Variants in HROB observed in about 807,000 individuals in gnomAD.
HROB encodes homologous recombination factor with OB-fold.
A neutral mutation model predicts 61.0 loss-of-function variants in HROB; 44 were observed. That is an observed-to-expected ratio of 0.72 (90% confidence interval 0.57 to 0.93). The LOEUF (loss-of-function observed/expected upper bound fraction) is 0.93. HROB is among the 40% of genes least tolerant of loss of function. HROB has a pLI of 0.00. For missense variants in HROB, 716 were observed against 796.2 expected, an observed-to-expected ratio of 0.90 and a Z score of 1.21; for synonymous variants, 301 against 310.4, an observed-to-expected ratio of 0.97 and a Z score of 0.32.
At position 44,155,176 on chromosome 17, in the gene HROB, A is replaced by C. The variant is rs542584041; in HGVS notation, c.1645-110A>C. On this transcript the variant is annotated intron_variant, in intron 7 of 9. Coordinates refer to ENST00000585683, the MANE Select transcript of HROB (RefSeq NM_001171251.3). The stretch of plus-strand genomic sequence containing the variant: ...TTGTGGCAAATGGTTCTCTTCTGGC[A>C]CCAAGGCTAGGCAGAGGACACCAAG... 8 of 1,507,644 alleles carry C rather than the reference A, an allele frequency of 5.3e-6. No homozygotes were observed. The East Asian group carries it at 1.6e-4, about 30-fold the overall frequency. The allele number at this position is 1,507,644 out of a possible 1,614,324, so 93.4% of individuals were successfully genotyped here.
rs1309911102 is a variant in HROB, at chr17:44,147,944, T to G, written c.141T>G (p.Ser47=). 6.2e-7 allele frequency: 1 copy of G among 1,614,180 alleles called. No individual in the cohort carries two copies. Among genetic ancestry groups the G allele is most frequent in the East Asian group, 2.2e-5 (1 of 44,872 alleles). ...CTGGGCGCCTGAGACCTGTCTCTTC[T>G]AGGCCACAGGAGACTGTGCAGGCAC... The part of the protein sequence containing the change: ...VNAGRLRPVS[S]RPQETVQAQS... The change falls in exon 3 of 10, where the codon TCT becomes TCG. Residue 47 remains serine, a synonymous_variant. Coordinates refer to ENST00000585683, the MANE Select transcript of HROB (RefSeq NM_001171251.3).
chr17:44,149,689 A>G (rs2053739761), intron 3 of HROB, among the ~76,000 whole-genome samples: 1 of 152,192 alleles, frequency 6.6e-6, no homozygotes, highest in Non-Finnish European at 1.5e-5. Flanking sequence ...ACAGGTGTGC[A>G]CTAGGGCAGG....
chr17:44,143,754 C>T (rs1485417697), intron 1 of HROB, among the ~76,000 whole-genome samples: 1 of 152,072 alleles, frequency 6.6e-6, no homozygotes, highest in Non-Finnish European at 1.5e-5. Flanking sequence ...GAGATTGAGG[C>T]TGCAGTGAGC....
intron 4 of HROB, among the ~76,000 whole-genome samples, chr17:44,152,007 T>C (rs1339274542): frequency 1.3e-5 from 2 of 152,004 alleles, no homozygotes; most frequent in East Asian, 3.9e-4. Flanking sequence ...CCACCATGCC[T>C]GGCTAATTTT....
In HROB at chr17:44,148,709, G is replaced by T; in HGVS notation, c.906G>T (p.Gln302His). Residue 302 changes from glutamine (Q) to histidine (H), a missense_variant, in exon 3 of 10, where the codon CAG (glutamine) becomes CAT (histidine). By Grantham distance (24) the Gln-to-His change is conservative. Coordinates refer to ENST00000585683, the MANE Select transcript of HROB (RefSeq NM_001171251.3). ...PQNRFPCQPF[Q>H]SPSSWLSGKA... ...ATCGTTTCCCTTGTCAGCCATTCCA[G>T]TCTCCAAGTTCCTGGTTAAGTGGCA... 1 of 1,614,106 alleles carries T rather than the reference G, an allele frequency of 6.2e-7. No homozygotes were observed. Among genetic ancestry groups the T allele is most frequent in the Non-Finnish European group, 8.5e-7 (1 of 1,180,016 alleles).
intron 2 of HROB, 23 bp from the exon 3 acceptor site, chr17:44,147,835 C>G: frequency 1.3e-6 from 2 of 1,595,836 alleles, no homozygotes; most frequent in Non-Finnish European, 1.7e-6. Context: ...ATGCCAAGAC[C>G]TACCATCTCT....
intron 3 of HROB, 54 bp from the exon 4 acceptor site, chr17:44,150,907 T>A: frequency 2.1e-6 from 3 of 1,452,118 alleles, no homozygotes; most frequent in Non-Finnish European, 2.9e-6. Flanking sequence ...AAGCTGTACT[T>A]GTAAATAACA....
At chr17:44,154,818 G>T in intron 6 of HROB, 35 bp from the exon 7 acceptor site, 1 of 1,612,274 alleles carries the variant, frequency 6.2e-7, no homozygotes, top group South Asian at 1.1e-5. Context: ...TGCTGCCCTT[G>T]ACCCCGAGAC....
chr17:44,155,073 T>C, intron 7 of HROB, 135 bp downstream of exon 7: 1 of 1,320,950 alleles, frequency 7.6e-7, no homozygotes, highest in Non-Finnish European at 1.1e-6. Flanking sequence ...TGGCTTGAGC[T>C]CAGGGAAGGC....
rs145594792 is a variant in HROB, at chr17:44,148,965, C to T, written c.1162C>T (p.His388Tyr). ...CAGCCGGACACCCCAGCAGCCCACC[C>T]ATCCCTCCACCCGAGCCAAAACTCG... ...AASRTPQQPT[H>Y]PSTRAKTRRF... The change falls in exon 3 of 10, where the codon CAT becomes TAT. Residue 388 changes from histidine (H) to tyrosine (Y), a missense_variant. His to Tyr is a moderately conservative substitution (Grantham distance 83). Transcript: ENST00000585683. 30 of 1,613,970 alleles carry T rather than the reference C, an allele frequency of 1.9e-5. No homozygotes were observed. The Admixed American group carries it at 2.2e-4, about 12-fold the overall frequency.
chr17:44,148,860 G>C lies in HROB; in HGVS notation c.1057G>C (p.Val353Leu), dbSNP rs777918652. Reference sequence around the variant, plus strand: ...TCCAGTGTCTTCCATTGGGTCTCCTGTTGGTACCCCAAAAGGTCCCCAGGG... The same window carrying C: ...TCCAGTGTCTTCCATTGGGTCTCCTCTTGGTACCCCAAAAGGTCCCCAGGG... ...QAPVSSIGSPVGTPKGPQGAL... is the reference protein window; with the variant it reads ...QAPVSSIGSPLGTPKGPQGAL... Residue 353 changes from valine (V) to leucine (L), a missense_variant, in exon 3 of 10, where the codon GTT (valine) becomes CTT (leucine). By Grantham distance (32) the Val-to-Leu change is conservative. Coordinates refer to ENST00000585683, the MANE Select transcript of HROB (RefSeq NM_001171251.3). 13 of 1,614,040 alleles carry C rather than the reference G, an allele frequency of 8.1e-6. No individual in the cohort carries two copies. Among genetic ancestry groups the C allele is most frequent in the African/African-American group, 2.7e-5 (2 of 74,920 alleles).
intron 4 of HROB, among the ~76,000 whole-genome samples, chr17:44,151,698 A>G (rs1020656811): frequency 6.6e-6 from 1 of 152,180 alleles, no homozygotes; most frequent in African/African-American, 2.4e-5. Flanking sequence ...CTGGAAGCCT[A>G]TAAATATATG....
rs754922600 is a variant in HROB, at chr17:44,148,123, C to G, written c.320C>G (p.Ser107Cys). ...GCTCCCCTAAGGCCTGTCTCTACTT[C>G]CAGCAGCTGGATTGGCAATCAGAGA... The part of the protein sequence containing the change: ...GAAPLRPVST[S>C]SSWIGNQRRV... The change falls in exon 3 of 10, where the codon TCC (serine) becomes TGC (cysteine). Residue 107 changes from serine (S) to cysteine (C), a missense_variant. Physicochemically the swap from Ser to Cys is moderately radical, Grantham distance 112. Transcript: ENST00000585683. 1.9e-6 allele frequency: 3 copies of G among 1,614,226 alleles called. No homozygotes were observed. The Admixed American group carries it at 5.0e-5, about 27-fold the overall frequency.
chr17:44,157,661 C>T (rs1356249515), intron 8 of HROB, among the ~76,000 whole-genome samples, 172 bp from the exon 9 acceptor site: 1 of 151,888 alleles, frequency 6.6e-6, no homozygotes, highest in Admixed American at 6.6e-5. Flanking sequence ...ATGATTCACC[C>T]GCCTCGGCCT....
At chr17:44,146,723 C>A (rs1255498416) in intron 2 of HROB, among the ~76,000 whole-genome samples, 1 of 152,034 alleles carries the variant, frequency 6.6e-6, no homozygotes, top group Non-Finnish European at 1.5e-5. Context: ...CTGTGGTTGT[C>A]CTGCCTGAGT....
rs757445731 is a variant in HROB at position 44,147,914 on chromosome 17, G to C, written c.111G>C (p.Val37=). ...AENRFTGSLP[V]NAGRLRPVSS... ...ACCGGTTTACTGGCTCACTGCCTGTGAATGCTGGGCGCCTGAGACCTGTCT... is the reference window on the plus strand; with the variant it reads ...ACCGGTTTACTGGCTCACTGCCTGTCAATGCTGGGCGCCTGAGACCTGTCT... Residue 37 remains valine (V), a synonymous_variant, in exon 3 of 10, where the codon GTG becomes GTC. Coordinates refer to ENST00000585683, the MANE Select transcript of HROB (RefSeq NM_001171251.3). 4 of 1,614,010 alleles carry C rather than the reference G, an allele frequency of 2.5e-6. No homozygotes were observed. The East Asian group carries it at 8.9e-5, about 36-fold the overall frequency.
At chr17:44,142,964 TCTCA>T (rs1490054792) in intron 1 of HROB, among the ~76,000 whole-genome samples, 1 of 151,670 alleles carries the variant, frequency 6.6e-6, no homozygotes, top group African/African-American at 2.4e-5. Flanking sequence ...TGAGACAGAG[TCTCA>T]CTCTGTGGCC....
intron 8 of HROB, among the ~76,000 whole-genome samples, chr17:44,155,747 TCTG>T (rs1427338948): frequency 7.2e-5 from 11 of 152,166 alleles, no homozygotes; most frequent in African/African-American, 2.4e-4. Context: ...GAGGGTCAGA[TCTG>T]CTACAGGTGG....
At chr17:44,159,213 T>C (rs886332987) in intron 9 of HROB, among the ~76,000 whole-genome samples, 1 of 152,236 alleles carries the variant, frequency 6.6e-6, no homozygotes, top group Non-Finnish European at 1.5e-5. Flanking sequence ...ACTGTTCCAG[T>C]ATAATACAGA....
Sources: gnomAD v4.1 joint callset for allele counts (sites outside exome capture counted in the v4.1 genomes callset) on GRCh38, gnomAD v4.1.1 for gene constraint, MANE v1.5 for transcripts, NCBI Gene and HGNC (gene_info 2026-07-23, HGNC 2026-07-21) for gene names.